Variants in AJUBA observed in about 807,000 individuals in gnomAD.
The protein encoded by AJUBA is ajuba LIM protein.
A neutral mutation model predicts 53.3 loss-of-function variants in AJUBA; 20 were observed. The ratio of observed to expected loss-of-function variants is 0.38; its 90% CI spans 0.26 to 0.55. AJUBA has a LOEUF of 0.55. Ranked by LOEUF, AJUBA falls within the 20% of genes least tolerant of loss-of-function variation. The pLI is 0.80. For missense variants in AJUBA, 580 were observed against 730.5 expected, an observed-to-expected ratio of 0.79 and a Z score of 2.38; for synonymous variants, 296 against 306.2, an observed-to-expected ratio of 0.97 and a Z score of 0.35.
Position 22,973,279 on chromosome 14 carries a change from C to T in AJUBA, c.*164G>A. Reference sequence around the variant, plus strand: ...AATATAAGGTTTCTCTTCCACAATCCATTTGGAATATCATGATCTTTGGGT... The same window carrying T: ...AATATAAGGTTTCTCTTCCACAATCTATTTGGAATATCATGATCTTTGGGT... On this transcript the variant is annotated 3_prime_UTR_variant, in exon 8 of 8. Transcript: ENST00000262713. 2 of 1,066,936 alleles carry T rather than the reference C, an allele frequency of 1.9e-6. No homozygotes were observed. Among genetic ancestry groups the T allele is most frequent in the Non-Finnish European group, 2.6e-6 (2 of 757,788 alleles). The allele number at this position is 1,066,936 out of a possible 1,614,324, so 66.1% of individuals were successfully genotyped here. A position where few individuals can be genotyped will look rare whatever the true frequency, so the allele number is the denominator to read the frequency against.
At chr14:22,974,556 G>A (rs565549796) in intron 6 of AJUBA, 2 of 469,228 alleles carry the variant, frequency 4.3e-6, no homozygotes, top group Non-Finnish European at 3.8e-6. Flanking sequence ...CCTTTTTCCA[G>A]CCCCTACATC....
rs1045418258 is a variant in AJUBA at position 22,981,634 on chromosome 14, C to A, written c.633G>T (p.Leu211=). Residue 211 remains leucine, a synonymous_variant, in exon 1 of 8, where the codon CTG becomes CTT. Transcript: ENST00000262713. ...CGGGCCGCTGAGCGTACAATCGGTC[C>A]AGGGCGGCGTGGAGCTCCGGGTAGG... ...PSAYPELHAA[L]DRLYAQRPAG... is the part of the protein sequence containing the mutation. 1 of 1,522,276 alleles carries A rather than the reference C, an allele frequency of 6.6e-7. No individual in the cohort carries two copies. Among genetic ancestry groups the A allele is most frequent in the Non-Finnish European group, 8.8e-7 (1 of 1,137,566 alleles). 94.3% of individuals were successfully genotyped at this position (1,522,276 alleles called of 1,614,324 possible). A position where few individuals can be genotyped will look rare whatever the true frequency, so the allele number is the denominator to read the frequency against.
At chr14:22,978,902 A>G in intron 1 of AJUBA, 1 of 1,287,088 alleles carries the variant, frequency 7.8e-7, no homozygotes, top group Non-Finnish European at 1.0e-6. Flanking sequence ...CGTCTCTGGG[A>G]CTTCAGTTTC....
chr14:22,973,604 G>C, intron 7 of AJUBA, 36 bp from the exon 8 acceptor site: 1 of 1,612,168 alleles, frequency 6.2e-7, no homozygotes, highest in Non-Finnish European at 8.5e-7. Flanking sequence ...CTCAGCCTAG[G>C]CACCTTGGAC....
chr14:22,976,389 C>T (rs2045036612), intron 4 of AJUBA, 67 bp downstream of exon 4: 4 of 1,476,470 alleles, frequency 2.7e-6, no homozygotes, highest in Non-Finnish European at 3.8e-6. Context: ...TCTCAATATC[C>T]ATTTAGTCCC....
chr14:22,978,782 T>C, intron 1 of AJUBA: 1 of 1,203,072 alleles, frequency 8.3e-7, no homozygotes, highest in Non-Finnish European at 1.1e-6. Context: ...ACAGGCAAGG[T>C]ATGATCTCTG....
rs746323876 is a variant in AJUBA at position 22,974,997 on chromosome 14, T to C, written c.1347A>G (p.Val449=). ...IPFTVDFSNQ[V]YCVTDYHKNY... is the part of the protein sequence containing the mutation. ...ACTTGTGGTAGTCGGTGACACAGTA[T>C]ACTTGGTTGGAGAAGTCCACTGTGA... The change falls in exon 5 of 8, where the codon GTA becomes GTG. Residue 449 remains valine, a synonymous_variant. Transcript: ENST00000262713. 4 of 1,614,240 alleles carry C rather than the reference T, an allele frequency of 2.5e-6. No individual in the cohort carries two copies. Among genetic ancestry groups the C allele is most frequent in the South Asian group, 1.1e-5 (1 of 91,086 alleles).
At chr14:22,980,706 A>G in intron 1 of AJUBA, 5 of 984,274 alleles carry the variant, frequency 5.1e-6, no homozygotes, top group Non-Finnish European at 4.8e-6. Flanking sequence ...CGCGTATGCT[A>G]GGGAGCGTCC....
At position 22,973,366 on chromosome 14, in the gene AJUBA, G is replaced by A; in HGVS notation, c.*77C>T. On this transcript the variant is annotated 3_prime_UTR_variant, in exon 8 of 8. Transcript: ENST00000262713. ...GCCAGGCCTGCAGAGTGCATTCTTT[G>A]CCTTGGCTGGCCTCAGAGGGGCCCA... The A allele has an allele frequency of 6.5e-7, 1 of 1,545,770 alleles. No homozygotes were observed. The highest frequency in any genetic ancestry group is 8.7e-7 in the Non-Finnish European group (1 of 1,143,004).
At chr14:22,974,777 C>A in intron 6 of AJUBA, 62 bp downstream of exon 6, 1 of 1,554,910 alleles carries the variant, frequency 6.4e-7, no homozygotes, top group Non-Finnish European at 8.8e-7. Context: ...GCAGCATGTC[C>A]CTATCCCCTC....
In AJUBA at chr14:22,972,096, C is replaced by T. The variant is rs1042743203; in HGVS notation, c.*1347G>A. On this transcript the variant is annotated 3_prime_UTR_variant, in exon 8 of 8. Coordinates refer to ENST00000262713, the MANE Select transcript of AJUBA (RefSeq NM_032876.6). ...GGAATTGAGCTTTTGGCAAATTAGT[C>T]ATTAAGTCATTAACTTTAAGCAAAC... 5.9e-5 allele frequency: 9 copies of T among 152,566 alleles called. No homozygotes were observed. Among genetic ancestry groups the T allele is most frequent in the African/African-American group, 1.7e-4 (7 of 41,424 alleles). The allele number at this position is 152,566 out of a possible 1,614,324, so 9.5% of individuals were successfully genotyped here.
rs375420385 is a variant in AJUBA at position 22,974,085 on chromosome 14, T to G, written c.1453A>C (p.Met485Leu). ...CACTCAAAGTGATAATCCCGGTCCA[T>G]GGATATCACCCTCACGATGTCCTCA... ...GCEDIVRVISMDRDYHFECYH... is the reference protein window; with the variant it reads ...GCEDIVRVISLDRDYHFECYH... Residue 485 changes from methionine (M) to leucine (L), a missense_variant, in exon 7 of 8, where the codon ATG (methionine) becomes CTG (leucine). Physicochemically the swap from Met to Leu is conservative, Grantham distance 15. Around this residue, in one of 2 missense-constraint regions of AJUBA, gnomAD observed 150 missense variants for 259.0 expected, o/e 0.58. Coordinates refer to ENST00000262713, the MANE Select transcript of AJUBA (RefSeq NM_032876.6). 6.2e-7 allele frequency: 1 copy of G among 1,614,132 alleles called. No individual in the cohort carries two copies. Among genetic ancestry groups the G allele is most frequent in the Non-Finnish European group, 8.5e-7 (1 of 1,180,016 alleles).
At chr14:22,981,173 G>A in intron 1 of AJUBA, 88 bp downstream of exon 1, 1 of 1,477,558 alleles carries the variant, frequency 6.8e-7, no homozygotes, top group Non-Finnish European at 9.1e-7. Context: ...TCGGACCCCG[G>A]GGCACCGGCA....
intron 4 of AJUBA, 109 bp downstream of exon 4, chr14:22,976,347 C>T: frequency 8.9e-7 from 1 of 1,123,850 alleles, no homozygotes. Context: ...GAAAGTGATT[C>T]ATCTGGTGAC....
chr14:22,973,482 C>T lies in AJUBA; in HGVS notation c.1578G>A (p.Gln526=), dbSNP rs563230528. 1 of 1,613,934 alleles carries T rather than the reference C, an allele frequency of 6.2e-7. No individual in the cohort carries two copies. Among genetic ancestry groups the T allele is most frequent in the South Asian group, 1.1e-5 (1 of 91,004 alleles). Residue 526 remains glutamine (Q), a synonymous_variant, in exon 8 of 8, where the codon CAG becomes CAA. Transcript: ENST00000262713. ...GHLLCHGCHM[Q]RLNARQPPAN... ...CAGGGGGTTGTCGGGCATTGAGCCG[C>T]TGCATGTGGCAACCATGGCAGAGCA...
intron 1 of AJUBA, 114 bp downstream of exon 1, chr14:22,981,147 G>A: frequency 2.3e-6 from 3 of 1,317,118 alleles, no homozygotes; most frequent in Non-Finnish European, 3.1e-6. Context: ...TTCTTTCCTA[G>A]TCCCGCGTCT....
chr14:22,973,507 A>T lies in AJUBA; in HGVS notation c.1553T>A (p.Leu518Ter). ...CTGCATGTGGCAACCATGGCAGAGC[A>T]AGTGCCCATCCAGAGGGAAACAGCA... ...GCCCFPLDGH[L>*]LCHGCHMQRL... Residue 518 changes from leucine (L) to a stop codon, truncating the protein, a stop_gained, in exon 8 of 8, where the codon TTG becomes TAG. Transcript: ENST00000262713. LOFTEE classifies it high-confidence loss of function. The T allele has an allele frequency of 6.2e-7, 1 of 1,614,178 alleles. No homozygotes were observed. Among genetic ancestry groups the T allele is most frequent in the Non-Finnish European group, 8.5e-7 (1 of 1,180,020 alleles).
chr14:22,974,796 C>T (rs1368735341), intron 6 of AJUBA, 43 bp downstream of exon 6: 5 of 1,589,458 alleles, frequency 3.1e-6, no homozygotes, highest in Non-Finnish European at 4.3e-6. Flanking sequence ...TCCCCAAAGG[C>T]AGTGGCACTG....
chr14:22,982,455 C>A lies in AJUBA; in HGVS notation c.-189G>T. ...CATCCCCCAGCGGGAGGGGCTGCGT[C>A]CCCCCGCGCATCTGGGGCTGAGCGG... On this transcript the variant is annotated 5_prime_UTR_variant, in exon 1 of 8. Coordinates refer to ENST00000262713, the MANE Select transcript of AJUBA (RefSeq NM_032876.6). 1 of 1,428,392 alleles carries A rather than the reference C, an allele frequency of 7.0e-7. No homozygotes were observed. Among genetic ancestry groups the A allele is most frequent in the South Asian group, 1.5e-5 (1 of 67,448 alleles). 88.5% of individuals were successfully genotyped at this position (1,428,392 alleles called of 1,614,324 possible).
Sources: allele counts gnomAD v4.1 joint callset, GRCh38; gene constraint gnomAD v4.1.1; regional missense constraint gnomAD v4.1.1; transcripts MANE v1.5; gene names NCBI Gene and HGNC (gene_info 2026-07-23, HGNC 2026-07-21).